Variants in MAD1L1 observed in about 807,000 individuals in gnomAD.
MAD1L1 encodes mitotic arrest deficient 1 like 1.
A neutral mutation model predicts 96.9 loss-of-function variants in MAD1L1; 95 were observed. That is an observed-to-expected ratio of 0.98 (90% CI 0.83 to 1.16). MAD1L1 has a LOEUF of 1.16. MAD1L1 is among the 50% of genes most tolerant of loss of function. MAD1L1 has a pLI of 0.00. For missense variants in MAD1L1, 1,007 were observed against 954.4 expected (o/e 1.06, Z -0.73); for synonymous variants, 473 against 396.6 (o/e 1.19, Z -2.29).
chr7:2,107,646 C>T (rs1360744811), intron 11 of MAD1L1: 1 of 152,436 alleles, frequency 6.6e-6, no homozygotes, highest in African/African-American at 2.4e-5. Flanking sequence ...CAGGCCTCTG[C>T]TCAGATGCTG....
At chr7:2,173,229 T>C (rs1307803619) in intron 10 of MAD1L1, among the ~76,000 whole-genome samples, 1 of 152,158 alleles carries the variant, frequency 6.6e-6, no homozygotes, top group Non-Finnish European at 1.5e-5. Context: ...ACTTTCCTAA[T>C]TCTTCAGTTT....
chr7:1,904,026 T>C (rs376832642), intron 17 of MAD1L1, among the ~76,000 whole-genome samples: 4,588 of 32,572 alleles, frequency 0.14, no homozygotes, highest in Middle Eastern at 0.2. Context: ...ATGGAAGACG[T>C]TCTTGTGGAA....
intron 3 of MAD1L1, among the ~76,000 whole-genome samples, chr7:2,227,168 C>A (rs1243905988): frequency 1.3e-5 from 2 of 151,230 alleles, no homozygotes; most frequent in African/African-American, 4.9e-5. Flanking sequence ...GGTGGTAACG[C>A]ACCTGTAATC....
At chr7:2,184,458 G>A (rs748798397) in intron 10 of MAD1L1, among the ~76,000 whole-genome samples, 4 of 152,108 alleles carry the variant, frequency 2.6e-5, no homozygotes, top group African/African-American at 4.8e-5. Flanking sequence ...TTCCAGGTAG[G>A]AGCATAAAAT....
chr7:2,010,604 G>A (rs1363182667), intron 13 of MAD1L1, among the ~76,000 whole-genome samples: 1 of 152,186 alleles, frequency 6.6e-6, no homozygotes, highest in Non-Finnish European at 1.5e-5. Flanking sequence ...TTCACCAGAC[G>A]GGTCTGGGGT....
chr7:2,164,659 A>G (rs997462957), intron 10 of MAD1L1, among the ~76,000 whole-genome samples: 1 of 152,014 alleles, frequency 6.6e-6, no homozygotes, highest in Non-Finnish European at 1.5e-5. Flanking sequence ...CCAAAAAAAA[A>G]TCAATTGTAG....
At chr7:2,076,932 G>A (rs1390255688) in intron 11 of MAD1L1, among the ~76,000 whole-genome samples, 1 of 147,470 alleles carries the variant, frequency 6.8e-6, no homozygotes, top group Non-Finnish European at 1.5e-5. Context: ...GTCAGCCCGA[G>A]ACAGTTATGG....
rs1036809554 is a variant in MAD1L1 at position 1,951,184 on chromosome 7, C to T, written c.1596+6445G>A. Among the ~76,000 whole-genome samples the T allele has an allele frequency of 3.3e-5, 5 of 152,388 alleles. No homozygotes were observed. The East Asian group carries it at 9.6e-4, about 29-fold the overall frequency. On this transcript the variant is annotated intron_variant, in intron 16 of 18. Coordinates refer to ENST00000265854, the MANE Select transcript of MAD1L1 (RefSeq NM_001013836.2). ...CTATCCCAGTCTCCCCACTACAGGG[C>T]ACAAACAACAGCCAGCGCCTAAACC... is the stretch of plus-strand genomic sequence containing the variant.
chr7:2,049,798 G>C (rs558175769), intron 12 of MAD1L1, among the ~76,000 whole-genome samples: 2 of 152,080 alleles, frequency 1.3e-5, no homozygotes, highest in South Asian at 4.1e-4. Flanking sequence ...GGTTCACAGG[G>C]CACCTCATCC....
intron 10 of MAD1L1, among the ~76,000 whole-genome samples, chr7:2,208,620 T>C (rs1792719932): frequency 6.6e-6 from 1 of 152,192 alleles, no homozygotes; most frequent in African/African-American, 2.4e-5. Context: ...TTGTTACAAA[T>C]GGTTGTGCTG....
chr7:1,841,170 G>A (rs1458624018), intron 18 of MAD1L1, among the ~76,000 whole-genome samples: 1 of 152,250 alleles, frequency 6.6e-6, no homozygotes, highest in South Asian at 2.1e-4. Flanking sequence ...CCAAGCGCCA[G>A]AGCACACGGC....
chr7:1,963,918 C>T (rs1406066190), intron 15 of MAD1L1, among the ~76,000 whole-genome samples: 1 of 152,238 alleles, frequency 6.6e-6, no homozygotes, highest in Non-Finnish European at 1.5e-5. Context: ...CTAGCACACA[C>T]CTCCGGCACC....
chr7:2,183,584 G>A (rs1791307284), intron 10 of MAD1L1, among the ~76,000 whole-genome samples: 1 of 152,142 alleles, frequency 6.6e-6, no homozygotes, highest in Non-Finnish European at 1.5e-5. Context: ...AAAAAATGAT[G>A]AGTTCATGTC....
intron 12 of MAD1L1, among the ~76,000 whole-genome samples, chr7:2,024,205 TAAAG>T (rs1782903130): frequency 6.6e-6 from 1 of 151,724 alleles, no homozygotes; most frequent in Non-Finnish European, 1.5e-5. Context: ...TAAAGGGTAA[TAAAG>T]AAACATTATG....
chr7:1,979,105 G>A (rs2128483175), intron 15 of MAD1L1, among the ~76,000 whole-genome samples: 1 of 152,316 alleles, frequency 6.6e-6, no homozygotes, highest in East Asian at 1.9e-4. Flanking sequence ...AGAAAGAGGG[G>A]CCATCCACAG....
rs371582515 is a variant in MAD1L1, at chr7:2,232,902, C to T, written c.-220G>A. The T allele has an allele frequency of 3.3e-5, 5 of 152,282 alleles. No homozygotes were observed. The highest frequency in any genetic ancestry group is 1.2e-4 in the African/African-American group (5 of 41,470). 9.4% of individuals were successfully genotyped at this position (152,282 alleles called of 1,614,324 possible). A position where few individuals can be genotyped will look rare whatever the true frequency, so the allele number is the denominator to read the frequency against. On this transcript the variant is annotated 5_prime_UTR_variant, in exon 1 of 19. Transcript: ENST00000265854. ...CCGCTCGCAGCCAGCTTGCCGCCGCCGCTCGGATCTCCCTCCGCTCCGCCG... is the reference window on the plus strand; with the variant it reads ...CCGCTCGCAGCCAGCTTGCCGCCGCTGCTCGGATCTCCCTCCGCTCCGCCG...
intron 10 of MAD1L1, among the ~76,000 whole-genome samples, chr7:2,167,474 G>T: frequency 6.6e-6 from 1 of 151,998 alleles, no homozygotes; most frequent in Admixed American, 6.6e-5. Flanking sequence ...GCGTGAACCC[G>T]GGAGGCGGAG....
intron 18 of MAD1L1, among the ~76,000 whole-genome samples, chr7:1,892,720 C>T (rs1020603870): frequency 1.3e-5 from 2 of 152,184 alleles, no homozygotes; most frequent in African/African-American, 4.8e-5. Context: ...TGTGCAGTTC[C>T]GGAATCTGTG....
intron 7 of MAD1L1, 90 bp from the exon 8 acceptor site, chr7:2,216,377 C>G (rs1793282849): frequency 7.3e-7 from 1 of 1,377,430 alleles, no homozygotes. Context: ...GAGAAGGAAG[C>G]CGGTCTGCAA....
Sources: gnomAD v4.1 joint callset for allele counts (sites outside exome capture counted in the v4.1 genomes callset) on GRCh38, gnomAD v4.1.1 for gene constraint, MANE v1.5 for transcripts, NCBI Gene and HGNC (gene_info 2026-07-23, HGNC 2026-07-21) for gene names.